Variants in IRS1 observed in about 807,000 individuals in gnomAD.
IRS1 encodes the protein insulin receptor substrate 1.
IRS1 carries 34 observed loss-of-function variants against 65.6 expected under a neutral mutation model. The ratio of observed to expected loss-of-function variants is 0.52; its 90% CI spans 0.39 to 0.69. The LOEUF (loss-of-function observed/expected upper bound fraction) is 0.69, where lower values mean the gene tolerates loss of function less well. IRS1 is among the 30% of genes least tolerant of loss of function. The pLI is 0.00. For missense variants in IRS1, 1,641 were observed against 1,720.2 expected (o/e 0.95, Z 0.81); for synonymous variants, 699 against 683.5 (o/e 1.02, Z -0.35).
At chr2:226,791,930 C>G (rs947499863) in intron 1 of IRS1, among the ~76,000 whole-genome samples, 1 of 151,614 alleles carries the variant, frequency 6.6e-6, no homozygotes, top group African/African-American at 2.4e-5. Flanking sequence ...AAAGGGGGCT[C>G]GGAAGAGGGA....
chr2:226,797,159 G>A lies in IRS1; in HGVS notation c.1580C>T (p.Ser527Leu), dbSNP rs368759148. 3.7e-6 allele frequency: 6 copies of A among 1,613,810 alleles called. No homozygotes were observed. The East Asian group carries it at 6.7e-5, about 18-fold the overall frequency. The change falls in exon 1 of 2, where the codon TCG (serine) becomes TTG (leucine). Residue 527 changes from serine (S) to leucine (L), a missense_variant. Around this residue, in one of 3 missense-constraint regions of IRS1, gnomAD observed 1,324 missense variants for 1,361.0 expected, o/e 0.97. Coordinates refer to ENST00000305123, the MANE Select transcript of IRS1 (RefSeq NM_005544.3). The surrounding 1 kb of genome is among the most constrained non-coding windows in gnomAD (Gnocchi z 8.1). ...GGTAATGGTAGGGGATGTGCCTGCC[G>A]AGTGAGTTCTCTTTCGGAACCGATT... ...LDNRFRKRTH[S>L]AGTSPTITHQ...
intron 1 of IRS1, among the ~76,000 whole-genome samples, chr2:226,783,780 T>G (rs1430622550): frequency 6.6e-6 from 1 of 152,186 alleles, no homozygotes; most frequent in Non-Finnish European, 1.5e-5. Flanking sequence ...TTTTATCCCC[T>G]TGATGCTGGG....
chr2:226,797,008 C>A lies in IRS1; in HGVS notation c.1731G>T (p.Val577=), dbSNP rs772944629. Residue 577 remains valine, a synonymous_variant, in exon 1 of 2, where the codon GTG becomes GTT. Coordinates refer to ENST00000305123, the MANE Select transcript of IRS1 (RefSeq NM_005544.3). The surrounding 1 kb of genome is among the most constrained non-coding windows in gnomAD (Gnocchi z 8.1). ...CCTCCTCTGGGTAGGAGCGGGTGGG[C>A]ACGAAGGCGGAGTGCCTGTGTCCCG... The part of the protein sequence containing the change: ...RLPGHRHSAF[V]PTRSYPEEGL... The A allele has an allele frequency of 1.1e-5, 18 of 1,600,822 alleles. No homozygotes were observed. Among genetic ancestry groups the A allele is most frequent in the Non-Finnish European group, 1.5e-5 (17 of 1,171,602 alleles).
rs1362551705 is a variant in IRS1 at position 226,799,448 on chromosome 2, G to A, written c.-710C>T. Reference sequence around the variant, plus strand: ...CCATCCGGGCCCATCTCGGCGGGTGGAGAAAGTGGCTTTTCCATGCGAAAC... The same window carrying A: ...CCATCCGGGCCCATCTCGGCGGGTGAAGAAAGTGGCTTTTCCATGCGAAAC... On this transcript the variant is annotated 5_prime_UTR_variant, in exon 1 of 2. Coordinates refer to ENST00000305123, the MANE Select transcript of IRS1 (RefSeq NM_005544.3). This position sits in a 1 kb window ranked among gnomAD's most constrained non-coding sequence, Gnocchi z 6.1. The A allele has an allele frequency of 2.5e-6, 3 of 1,197,008 alleles. No homozygotes were observed. The highest frequency in any genetic ancestry group is 3.3e-5 in the African/African-American group (2 of 59,822). The allele number at this position is 1,197,008 out of a possible 1,614,324, so 74.1% of individuals were successfully genotyped here.
At chr2:226,779,141 G>A (rs1288576178) in intron 1 of IRS1, among the ~76,000 whole-genome samples, 1 of 151,904 alleles carries the variant, frequency 6.6e-6, no homozygotes, top group Non-Finnish European at 1.5e-5. Context: ...AGTCTTCAAC[G>A]ACTCCCTACC....
At chr2:226,757,638 A>G (rs1436928333) in intron 1 of IRS1, among the ~76,000 whole-genome samples, 1 of 152,194 alleles carries the variant, frequency 6.6e-6, no homozygotes, top group African/African-American at 2.4e-5. Flanking sequence ...ATCTCATATT[A>G]GAGCTTGATA....
chr2:226,747,340 T>C (rs1938568626), intron 1 of IRS1, among the ~76,000 whole-genome samples: 3 of 152,040 alleles, frequency 2.0e-5, no homozygotes, highest in Admixed American at 2.0e-4. Flanking sequence ...GTGGTGCCTT[T>C]GGTAGGTAAT....
rs1939846946 is a variant in IRS1, at chr2:226,799,551, G to T, written c.-813C>A. 3 of 1,072,864 alleles carry T rather than the reference G, an allele frequency of 2.8e-6. No homozygotes were observed. The South Asian group carries it at 7.6e-5, about 27-fold the overall frequency. 66.5% of individuals were successfully genotyped at this position (1,072,864 alleles called of 1,614,324 possible). A position where few individuals can be genotyped will look rare whatever the true frequency, so the allele number is the denominator to read the frequency against. On this transcript the variant is annotated 5_prime_UTR_variant, in exon 1 of 2. Coordinates refer to ENST00000305123, the MANE Select transcript of IRS1 (RefSeq NM_005544.3). This position sits in a 1 kb window ranked among gnomAD's most constrained non-coding sequence, Gnocchi z 6.1. ...CTGCCCCTCGCTCCAGGCGGCTGGG[G>T]AGGAGGGGAGGGGACAAGGGCGAGA... is the stretch of plus-strand genomic sequence containing the variant.
chr2:226,765,825 C>T (rs1411392541), intron 1 of IRS1, among the ~76,000 whole-genome samples: 1 of 151,942 alleles, frequency 6.6e-6, no homozygotes, highest in Non-Finnish European at 1.5e-5. Flanking sequence ...CTGTTGAAAA[C>T]ATGGACCTAA....
At chr2:226,790,050 C>T (rs979403615) in intron 1 of IRS1, among the ~76,000 whole-genome samples, 21 of 152,146 alleles carry the variant, frequency 1.4e-4, no homozygotes, top group Non-Finnish European at 2.9e-5. Flanking sequence ...ACAGCTTCTT[C>T]GGAAAGAATC....
intron 1 of IRS1, among the ~76,000 whole-genome samples, chr2:226,736,783 T>G (rs1211553311): frequency 6.6e-6 from 1 of 152,182 alleles, no homozygotes; most frequent in Non-Finnish European, 1.5e-5. Context: ...ACGGACCTAC[T>G]GAATCATTAA....
intron 1 of IRS1, among the ~76,000 whole-genome samples, chr2:226,770,216 A>G (rs1199107716): frequency 1.3e-5 from 2 of 152,232 alleles, no homozygotes; most frequent in Non-Finnish European, 2.9e-5. Flanking sequence ...TAATTATTCT[A>G]ATAAATTATG....
chr2:226,768,720 C>T (rs1161825898), intron 1 of IRS1, among the ~76,000 whole-genome samples: 3 of 152,084 alleles, frequency 2.0e-5, no homozygotes, highest in Non-Finnish European at 4.4e-5. Context: ...CGCTGCAACC[C>T]CCACCTCCTG....
At chr2:226,758,858 A>C (rs559579153) in intron 1 of IRS1, among the ~76,000 whole-genome samples, 1 of 152,102 alleles carries the variant, frequency 6.6e-6, no homozygotes, top group Admixed American at 6.5e-5. Context: ...TAAAATATCC[A>C]AGGAAGTGAA....
At chr2:226,783,610 A>G (rs1939429357) in intron 1 of IRS1, among the ~76,000 whole-genome samples, 1 of 152,220 alleles carries the variant, frequency 6.6e-6, no homozygotes, top group Non-Finnish European at 1.5e-5. Flanking sequence ...TATTTCACCC[A>G]AAGGTAGAAG....
chr2:226,770,750 T>C (rs1939147333), intron 1 of IRS1, among the ~76,000 whole-genome samples: 2 of 152,190 alleles, frequency 1.3e-5, no homozygotes, highest in Non-Finnish European at 2.9e-5. Context: ...GGGTTTTTAT[T>C]TTTGTTTTTG....
At chr2:226,744,476 T>A (rs1039713013) in intron 1 of IRS1, among the ~76,000 whole-genome samples, 6 of 152,052 alleles carry the variant, frequency 3.9e-5, no homozygotes, top group Non-Finnish European at 8.8e-5. Flanking sequence ...ACAACATACA[T>A]CTAAGGCAGG....
chr2:226,767,379 T>C (rs1243496186), intron 1 of IRS1, among the ~76,000 whole-genome samples: 1 of 152,036 alleles, frequency 6.6e-6, no homozygotes, highest in African/African-American at 2.4e-5. Context: ...GTTTCCAAAA[T>C]AAAAAAAGGC....
chr2:226,766,120 CTTATATATATATATATATATATAT>C, intron 1 of IRS1, among the ~76,000 whole-genome samples: 1 of 31,680 alleles, frequency 3.2e-5, no homozygotes, highest in Non-Finnish European at 5.5e-5. Flanking sequence ...CTCTCTTAAT[CTTATATATATATATATATATATAT>C]ATATATATAT....
Sources: allele counts gnomAD v4.1 joint callset (sites outside exome capture counted in the v4.1 genomes callset), GRCh38; gene constraint gnomAD v4.1.1; regional missense constraint gnomAD v4.1.1; non-coding constraint Gnocchi (gnomAD v3.1); transcripts MANE v1.5; gene names NCBI Gene and HGNC (gene_info 2026-07-23, HGNC 2026-07-21).